NRXN1: variants seen among roughly 807,000 people sequenced by gnomAD.
The protein encoded by NRXN1 is neurexin-1.
NRXN1 carries 39 observed loss-of-function variants against 150.9 expected under a neutral mutation model. The ratio of observed to expected loss-of-function variants is 0.26; its 90% CI spans 0.20 to 0.34. NRXN1 has a LOEUF of 0.34. NRXN1 is among the 10% of genes least tolerant of loss of function. The pLI is 1.00. For synonymous variants in NRXN1, 924 were observed against 757.0 expected (o/e 1.22, Z -3.62); for missense variants, 1,815 against 1,949.9 (o/e 0.93, Z 1.30).
intron 21 of NRXN1, among the ~76,000 whole-genome samples, chr2:50,028,482 A>T (rs1316958823): frequency 1.3e-5 from 2 of 152,224 alleles, no homozygotes; most frequent in African/African-American, 4.8e-5. Context: ...ATAGAGAGAA[A>T]ATCAACAGCA....
chr2:49,979,368 C>G (rs190553410), intron 21 of NRXN1, among the ~76,000 whole-genome samples: 6 of 152,326 alleles, frequency 3.9e-5, no homozygotes, highest in Admixed American at 6.5e-5. Flanking sequence ...AAAGCCTTCT[C>G]TTTCCCATGC....
chr2:50,489,328 A>C (rs2091094252), intron 15 of NRXN1, among the ~76,000 whole-genome samples: 1 of 152,136 alleles, frequency 6.6e-6, no homozygotes, highest in Non-Finnish European at 1.5e-5. Context: ...AAGCAGAGTC[A>C]ATAGGTGGCA....
chr2:50,552,887 G>C lies in NRXN1; in HGVS notation c.1459C>G (p.Pro487Ala), dbSNP rs1431790300. 6.2e-7 allele frequency: 1 copy of C among 1,613,794 alleles called. No homozygotes were observed. Among genetic ancestry groups the C allele is most frequent in the African/African-American group, 1.3e-5 (1 of 74,854 alleles). The part of the protein sequence containing the change: ...ATLDPITFET[P>A]ESFISLPKWN... Reference sequence around the variant, plus strand: ...TTAGGCAAAGAGATGAAAGACTCTGGGGTTTCAAAGGTGATTGGGTCTAAA... The same window carrying C: ...TTAGGCAAAGAGATGAAAGACTCTGCGGTTTCAAAGGTGATTGGGTCTAAA... Residue 487 changes from proline to alanine, a missense_variant, in exon 9 of 23, where the codon CCA becomes GCA. This residue lies in a region of NRXN1 where 638 missense variants were observed against 652.6 expected (regional missense o/e 0.98). Transcript: ENST00000401669.
At chr2:50,676,004 T>C (rs1689487856) in intron 5 of NRXN1, among the ~76,000 whole-genome samples, 2 of 152,110 alleles carry the variant, frequency 1.3e-5, no homozygotes, top group South Asian at 4.1e-4. Context: ...ATGTAAAAGT[T>C]GAACTCATGT....
chr2:50,485,343 G>T (rs2090789429), intron 15 of NRXN1, among the ~76,000 whole-genome samples: 1 of 152,168 alleles, frequency 6.6e-6, no homozygotes, highest in African/African-American at 2.4e-5. Flanking sequence ...AAATGGATCA[G>T]AAATGGGAAG....
intron 5 of NRXN1, among the ~76,000 whole-genome samples, chr2:50,704,706 C>T (rs1370083385): frequency 6.6e-6 from 1 of 150,986 alleles, no homozygotes; most frequent in African/African-American, 2.4e-5. Context: ...TTTCATTTTA[C>T]TGCTTTCCTT....
intron 5 of NRXN1, among the ~76,000 whole-genome samples, chr2:50,865,667 T>TTTTTTG (rs1676813036): frequency 7.6e-6 from 1 of 131,590 alleles, no homozygotes; most frequent in South Asian, 2.6e-4. Flanking sequence ...AGTTTTTTTT[T>TTTTTTG]TTTTTTTTTT....
At chr2:50,956,261 T>C (rs948110958) in intron 2 of NRXN1, among the ~76,000 whole-genome samples, 4 of 152,188 alleles carry the variant, frequency 2.6e-5, no homozygotes, top group Non-Finnish European at 5.9e-5. Flanking sequence ...GTGCCTATTT[T>C]ATAAATGAAA....
At chr2:50,285,862 G>GA (rs537698901) in intron 17 of NRXN1, among the ~76,000 whole-genome samples, 34 of 130,402 alleles carry the variant, frequency 2.6e-4, no homozygotes, top group Non-Finnish European at 4.9e-4. Context: ...GAGTTTTTTT[G>GA]AAAAACAAAA....
intron 17 of NRXN1, among the ~76,000 whole-genome samples, chr2:50,376,519 TG>T (rs1354609719): frequency 6.6e-6 from 1 of 152,216 alleles, no homozygotes; most frequent in African/African-American, 2.4e-5. Flanking sequence ...CTGTACTTTT[TG>T]TAACAACTTG....
chr2:50,356,186 C>T (rs2078801481), intron 17 of NRXN1, among the ~76,000 whole-genome samples: 1 of 152,040 alleles, frequency 6.6e-6, no homozygotes, highest in African/African-American at 2.4e-5. Context: ...AATACTGTCA[C>T]CATTTTCACT....
At chr2:50,978,271 C>CATATATATATATATATATATATATAT (rs10671122) in intron 2 of NRXN1, among the ~76,000 whole-genome samples, 13 of 95,034 alleles carry the variant, frequency 1.4e-4, no homozygotes, top group East Asian at 2.9e-4. Flanking sequence ...GGATATTATA[C>CATATATATATATATATATATATATAT]ATATATATAT....
intron 18 of NRXN1, among the ~76,000 whole-genome samples, chr2:50,197,452 G>A (rs952227157): frequency 1.3e-5 from 2 of 152,188 alleles, no homozygotes; most frequent in South Asian, 4.1e-4. Flanking sequence ...TGATGAATCC[G>A]AATCACCTTT....
chr2:50,787,646 G>A (rs1475448302), intron 5 of NRXN1, among the ~76,000 whole-genome samples: 1 of 151,134 alleles, frequency 6.6e-6, no homozygotes, highest in East Asian at 1.9e-4. Flanking sequence ...AAGTTACCAA[G>A]TAATTTAAGG....
In NRXN1 at chr2:50,497,574, T is replaced by C. The variant is rs752064592; in HGVS notation, c.2638A>G (p.Ile880Val). Residue 880 changes from isoleucine to valine, a missense_variant, in exon 14 of 23, where the codon ATT becomes GTT. By Grantham distance (29) the Ile-to-Val change is conservative (BLOSUM62 3). Around this residue, in one of 6 missense-constraint regions of NRXN1, gnomAD observed 638 missense variants for 652.6 expected, o/e 0.98. Transcript: ENST00000401669. The part of the protein sequence containing the change: ...QSLTFNGMAY[I>V]DLCKNGDIDY... ...ATGTCGCCATTTTTACACAGGTCAA[T>C]GTATGCCATTCCATTAAATGTCAAG... 1.2e-6 allele frequency: 2 copies of C among 1,613,906 alleles called. No individual in the cohort carries two copies. Among genetic ancestry groups the C allele is most frequent in the South Asian group, 2.2e-5 (2 of 91,082 alleles).
intron 22 of NRXN1, among the ~76,000 whole-genome samples, chr2:49,943,467 G>A (rs1295346071): frequency 6.6e-6 from 1 of 152,154 alleles, no homozygotes; most frequent in Non-Finnish European, 1.5e-5. Context: ...TAAGGTAGAA[G>A]CCCTGTGTGC....
At position 51,027,826 on chromosome 2, in the gene NRXN1, A is replaced by G; in HGVS notation, c.448T>C (p.Phe150Leu). 6.2e-7 allele frequency: 1 copy of G among 1,613,400 alleles called. No individual in the cohort carries two copies. Residue 150 changes from phenylalanine (F) to leucine (L), a missense_variant, in exon 2 of 23, where the codon TTC becomes CTC. Physicochemically the swap from Phe to Leu is conservative, Grantham distance 22. Transcript: ENST00000401669. ...AGCCCCCCGACGAAAAGGCCGCTGA[A>G]CACCGTCATGTCCCTGCGCTTGGAC... ...VKSKRRDMTVFSGLFVGGLPP... is the reference protein window; with the variant it reads ...VKSKRRDMTVLSGLFVGGLPP...
intron 17 of NRXN1, among the ~76,000 whole-genome samples, chr2:50,334,982 C>T (rs750210224): frequency 1.2e-4 from 18 of 152,064 alleles, no homozygotes; most frequent in Non-Finnish European, 8.8e-5. Context: ...CTTCAGACTC[C>T]GGGAGAGAAA....
At chr2:50,713,359 A>AT (rs1311543024) in intron 5 of NRXN1, among the ~76,000 whole-genome samples, 1 of 151,894 alleles carries the variant, frequency 6.6e-6, no homozygotes, top group African/African-American at 2.4e-5. Flanking sequence ...CCCTGGATCC[A>AT]TTTGGTAACA....
Sources: allele counts gnomAD v4.1 joint callset (sites outside exome capture counted in the v4.1 genomes callset), GRCh38; gene constraint gnomAD v4.1.1; regional missense constraint gnomAD v4.1.1; transcripts MANE v1.5; gene names NCBI Gene and HGNC (gene_info 2026-07-23, HGNC 2026-07-21).